HS3ST4: variants seen among roughly 807,000 people sequenced by gnomAD.
HS3ST4 encodes the protein heparan sulfate-glucosamine 3-sulfotransferase 4.
Under a neutral mutation model 29.2 loss-of-function variants are expected in HS3ST4, and 17 were observed. That is an observed-to-expected ratio of 0.58 (90% CI 0.40 to 0.87). HS3ST4 has a LOEUF of 0.87. Among genes scored for constraint, HS3ST4 ranks in the 40% least tolerant of loss-of-function variants. The pLI, the probability that HS3ST4 is intolerant of heterozygous loss-of-function variation, is 0.00. For missense variants in HS3ST4, 627 were observed against 634.5 expected (o/e 0.99, Z 0.13); for synonymous variants, 314 against 285.7 (o/e 1.10, Z -1.00).
At chr16:25,789,972 G>A (rs1346772125) in intron 1 of HS3ST4, among the ~76,000 whole-genome samples, 1 of 152,154 alleles carries the variant, frequency 6.6e-6, no homozygotes, top group African/African-American at 2.4e-5. Context: ...TACTATTGAT[G>A]AATGCTTAGA....
chr16:25,842,765 T>C (rs1463423217), intron 1 of HS3ST4, among the ~76,000 whole-genome samples: 6 of 152,234 alleles, frequency 3.9e-5, no homozygotes, highest in Non-Finnish European at 7.3e-5. Context: ...TGTCTGATCA[T>C]ATAATCAGTC....
At chr16:25,742,145 G>C (rs1352843417) in intron 1 of HS3ST4, among the ~76,000 whole-genome samples, 3 of 152,168 alleles carry the variant, frequency 2.0e-5, no homozygotes, top group Non-Finnish European at 4.4e-5. Context: ...TATTCAAAAT[G>C]CTGGCTTTGA....
intron 1 of HS3ST4, among the ~76,000 whole-genome samples, chr16:25,711,641 C>G (rs1266536349): frequency 6.6e-6 from 1 of 152,158 alleles, no homozygotes. Context: ...AAAGTGTTCT[C>G]ATGAGTAGAA....
intron 1 of HS3ST4, among the ~76,000 whole-genome samples, chr16:25,946,897 A>T (rs1272202254): frequency 6.6e-6 from 1 of 152,144 alleles, no homozygotes; most frequent in East Asian, 1.9e-4. Context: ...ACACTCAAGG[A>T]ACTGAAGGGC....
chr16:25,715,292 G>A (rs969421893), intron 1 of HS3ST4, among the ~76,000 whole-genome samples: 2 of 138,894 alleles, frequency 1.4e-5, no homozygotes, highest in African/African-American at 2.7e-5. Context: ...ACTGCAGTCC[G>A]CAGTCCGGCC....
At chr16:25,956,997 CAAAAAAAAAAA>C in intron 1 of HS3ST4, among the ~76,000 whole-genome samples, 1 of 77,834 alleles carries the variant, frequency 1.3e-5, no homozygotes, top group Non-Finnish European at 2.3e-5. Flanking sequence ...GACTCCGTCT[CAAAAAAAAAAA>C]AAAAAAAAAG....
chr16:25,822,486 T>C (rs1386592019), intron 1 of HS3ST4, among the ~76,000 whole-genome samples: 2 of 152,180 alleles, frequency 1.3e-5, no homozygotes, highest in African/African-American at 4.8e-5. Flanking sequence ...TTATTTTTTC[T>C]CTTGGGAGTA....
intron 1 of HS3ST4, among the ~76,000 whole-genome samples, chr16:25,909,988 C>T (rs1968219573): frequency 6.6e-6 from 1 of 152,164 alleles, no homozygotes; most frequent in South Asian, 2.1e-4. Context: ...CACTTGGCCT[C>T]CTTAAATACT....
intron 1 of HS3ST4, among the ~76,000 whole-genome samples, chr16:25,906,316 AAGCAAATTCAATTAAAC>A (rs1968179642): frequency 6.6e-6 from 1 of 152,202 alleles, no homozygotes; most frequent in Non-Finnish European, 1.5e-5. Context: ...AGTGCTTTTC[AAGCAAATTCAATTAAAC>A]ATTATTTTTT....
intron 1 of HS3ST4, among the ~76,000 whole-genome samples, chr16:25,901,784 T>C (rs1013684933): frequency 4.6e-5 from 7 of 152,198 alleles, no homozygotes. Context: ...CCTCCATCCT[T>C]GCTTTCTCTT....
intron 1 of HS3ST4, among the ~76,000 whole-genome samples, chr16:25,904,217 C>T (rs894484539): frequency 7.7e-5 from 11 of 142,270 alleles, no homozygotes; most frequent in African/African-American, 1.5e-4. Context: ...GATGGATGGA[C>T]GGATGGATGG....
chr16:26,030,347 AG>A (rs1969520588), intron 1 of HS3ST4, among the ~76,000 whole-genome samples: 1 of 152,220 alleles, frequency 6.6e-6, no homozygotes, highest in African/African-American at 2.4e-5. Context: ...TAGAGGCTGC[AG>A]TGAGCTATGA....
Position 26,136,101 on chromosome 16 carries a change from C to T in HS3ST4, c.1224C>T (p.Cys408=). The change falls in exon 2 of 2, where the codon TGC becomes TGT. Residue 408 remains cysteine (C), a synonymous_variant. Transcript: ENST00000331351. Reference sequence around the variant, plus strand: ...CAGAAGACAGCAGTGCCCCGAGGTGCTTAGGCAAGAGCAAAGGTCGGACTC... The same window carrying T: ...CAGAAGACAGCAGTGCCCCGAGGTGTTTAGGCAAGAGCAAAGGTCGGACTC... ...KKPEDSSAPR[C]LGKSKGRTHP... is the part of the protein sequence containing the mutation. 1 of 1,613,714 alleles carries T rather than the reference C, an allele frequency of 6.2e-7. No individual in the cohort carries two copies. The highest frequency in any genetic ancestry group is 1.1e-5 in the South Asian group (1 of 91,052).
intron 1 of HS3ST4, among the ~76,000 whole-genome samples, chr16:26,127,841 G>C (rs28647988): frequency 6.6e-6 from 1 of 152,064 alleles, no homozygotes; most frequent in South Asian, 2.1e-4. Context: ...TACCTGCCTG[G>C]CACAAACTTT....
At chr16:26,051,944 T>C (rs1343193358) in intron 1 of HS3ST4, among the ~76,000 whole-genome samples, 2 of 135,500 alleles carry the variant, frequency 1.5e-5, no homozygotes, top group Non-Finnish European at 3.1e-5. Flanking sequence ...CTTCCGTCCT[T>C]CCTTCCTTCC....
At chr16:25,702,687 G>A (rs1596547855) in intron 1 of HS3ST4, among the ~76,000 whole-genome samples, 1 of 152,150 alleles carries the variant, frequency 6.6e-6, no homozygotes, top group African/African-American at 2.4e-5. Context: ...TTCATATATG[G>A]GATATCCTTC....
intron 1 of HS3ST4, among the ~76,000 whole-genome samples, chr16:26,118,532 A>C (rs1181294112): frequency 6.6e-6 from 1 of 152,232 alleles, no homozygotes; most frequent in African/African-American, 2.4e-5. Flanking sequence ...ATTCGTAACT[A>C]CTGGGCACTT....
At chr16:25,792,256 TC>T (rs1198201525) in intron 1 of HS3ST4, among the ~76,000 whole-genome samples, 2 of 151,990 alleles carry the variant, frequency 1.3e-5, no homozygotes, top group African/African-American at 2.4e-5. Flanking sequence ...CTGTAGTGTT[TC>T]TTTCTTGTAC....
intron 1 of HS3ST4, among the ~76,000 whole-genome samples, chr16:25,934,516 C>T (rs117258102): frequency 0.016 from 2,445 of 152,306 alleles, 34 homozygotes; most frequent in Non-Finnish European, 0.025. Flanking sequence ...TTGTGGGCTC[C>T]TGGATACTGG....
Sources: gnomAD v4.1 joint callset for allele counts (sites outside exome capture counted in the v4.1 genomes callset) on GRCh38, gnomAD v4.1.1 for gene constraint, MANE v1.5 for transcripts, NCBI Gene and HGNC (gene_info 2026-07-23, HGNC 2026-07-21) for gene names.